IGSF21: variants seen among roughly 807,000 people sequenced by gnomAD.
The protein encoded by IGSF21 is immunoglobulin superfamily member 21.
Under a neutral mutation model 46.8 loss-of-function variants are expected in IGSF21, and 28 were observed. That is an observed-to-expected ratio of 0.60 (90% CI 0.44 to 0.82). The LOEUF (loss-of-function observed/expected upper bound fraction) is 0.82, where lower values mean the gene tolerates loss of function less well. IGSF21 is among the 40% of genes least tolerant of loss of function. The pLI is 0.00. For missense variants in IGSF21, 624 were observed against 665.5 expected (o/e 0.94, Z 0.69); for synonymous variants, 284 against 273.6 (o/e 1.04, Z -0.38).
intron 1 of IGSF21, among the ~76,000 whole-genome samples, chr1:18,154,643 T>C (rs2086552053): frequency 6.7e-6 from 1 of 148,738 alleles, no homozygotes; most frequent in East Asian, 2.0e-4. Flanking sequence ...GGCTTCTGGG[T>C]TAGAACTCAC....
intron 3 of IGSF21, among the ~76,000 whole-genome samples, chr1:18,332,012 C>A (rs978290020): frequency 1.3e-5 from 2 of 152,174 alleles, no homozygotes; most frequent in Non-Finnish European, 2.9e-5. Context: ...ACACATAGTC[C>A]TCAGTGAGAA....
intron 2 of IGSF21, among the ~76,000 whole-genome samples, chr1:18,259,422 A>T (rs1449658154): frequency 1.3e-5 from 2 of 152,172 alleles, no homozygotes; most frequent in African/African-American, 4.8e-5. Context: ...AGAATCATAG[A>T]ACAAATCAAG....
chr1:18,211,381 A>AGCC (rs1318949773), intron 1 of IGSF21, among the ~76,000 whole-genome samples: 9 of 152,234 alleles, frequency 5.9e-5, no homozygotes, highest in Admixed American at 2.0e-4. Context: ...CAGAGAGCAA[A>AGCC]GCCACGCTGC....
At chr1:18,123,903 C>G (rs930481143) in intron 1 of IGSF21, among the ~76,000 whole-genome samples, 2 of 152,166 alleles carry the variant, frequency 1.3e-5, no homozygotes, top group Non-Finnish European at 2.9e-5. Context: ...CTGTAGGCCC[C>G]CTGGCCCACT....
intron 2 of IGSF21, among the ~76,000 whole-genome samples, chr1:18,234,531 G>C (rs1324859514): frequency 6.6e-6 from 1 of 152,178 alleles, no homozygotes; most frequent in African/African-American, 2.4e-5. Context: ...AATTTATAAA[G>C]GAAAGAGGTT....
chr1:18,310,551 T>C (rs147767397), intron 3 of IGSF21, among the ~76,000 whole-genome samples: 2 of 152,380 alleles, frequency 1.3e-5, no homozygotes, highest in East Asian at 3.9e-4. Context: ...CAAGTAAAGC[T>C]GCTTTGAATG....
chr1:18,279,244 C>G (rs2085134765), intron 2 of IGSF21, among the ~76,000 whole-genome samples: 1 of 152,202 alleles, frequency 6.6e-6, no homozygotes, highest in Admixed American at 6.5e-5. Context: ...GTCTGCATGG[C>G]AATTCTCTCT....
chr1:18,167,018 T>C (rs1221860442), intron 1 of IGSF21: 1 of 153,152 alleles, frequency 6.5e-6, no homozygotes, highest in Non-Finnish European at 1.5e-5. Context: ...ACAGGAACCG[T>C]CTTTACCTGA....
At chr1:18,267,378 G>C (rs2084999821) in intron 2 of IGSF21, among the ~76,000 whole-genome samples, 1 of 152,154 alleles carries the variant, frequency 6.6e-6, no homozygotes, top group African/African-American at 2.4e-5. Context: ...AGGAAAACAG[G>C]ATGTGGGGAG....
chr1:18,171,480 G>T (rs1294509111), intron 1 of IGSF21, among the ~76,000 whole-genome samples: 1 of 152,128 alleles, frequency 6.6e-6, no homozygotes, highest in Non-Finnish European at 1.5e-5. Flanking sequence ...CTGAGGAAGG[G>T]GTGTAGCAGA....
chr1:18,362,584 C>T (rs1226716618), intron 5 of IGSF21, among the ~76,000 whole-genome samples: 1 of 152,156 alleles, frequency 6.6e-6, no homozygotes, highest in African/African-American at 2.4e-5. Flanking sequence ...GGAAAAGGGG[C>T]TTGTCCCAAG....
At chr1:18,313,733 G>T (rs1166877916) in intron 3 of IGSF21, among the ~76,000 whole-genome samples, 2 of 152,118 alleles carry the variant, frequency 1.3e-5, no homozygotes, top group Non-Finnish European at 2.9e-5. Context: ...GAAAACTGAG[G>T]CCTAGACCTG....
intron 1 of IGSF21, among the ~76,000 whole-genome samples, chr1:18,187,714 C>T (rs972516979): frequency 1.3e-5 from 2 of 152,120 alleles, no homozygotes; most frequent in African/African-American, 4.8e-5. Flanking sequence ...AACCTAATTA[C>T]CTCCCAGAAA....
chr1:18,192,875 C>T (rs1004218), intron 1 of IGSF21, among the ~76,000 whole-genome samples: 49,196 of 151,686 alleles, frequency 0.32, 8,192 homozygotes, highest in South Asian at 0.37. Context: ...TGCAGTGGGC[C>T]GATTCAATTC....
At chr1:18,372,976 A>G (rs2124638556) in intron 6 of IGSF21, among the ~76,000 whole-genome samples, 1 of 152,292 alleles carries the variant, frequency 6.6e-6, no homozygotes, top group Non-Finnish European at 1.5e-5. Context: ...TTGAGATTCC[A>G]CAGTACTATC....
intron 2 of IGSF21, among the ~76,000 whole-genome samples, chr1:18,266,337 C>A (rs1348568980): frequency 6.6e-6 from 1 of 152,136 alleles, no homozygotes. Context: ...AAATTCTTGA[C>A]CATATGTGTA....
intron 2 of IGSF21, among the ~76,000 whole-genome samples, chr1:18,235,096 T>C (rs12041734): frequency 0.21 from 32,463 of 152,190 alleles, 3,934 homozygotes; most frequent in East Asian, 0.27. Context: ...TACACTGTTG[T>C]CTGAGACTCA....
chr1:18,187,408 C>T (rs960668855), intron 1 of IGSF21, among the ~76,000 whole-genome samples: 5 of 152,142 alleles, frequency 3.3e-5, no homozygotes, highest in African/African-American at 1.2e-4. Context: ...TGTAGTTCTA[C>T]GTGGCTGGGG....
intron 2 of IGSF21, among the ~76,000 whole-genome samples, chr1:18,271,965 A>G (rs1180195307): frequency 3.3e-5 from 5 of 152,188 alleles, no homozygotes; most frequent in Admixed American, 6.5e-5. Context: ...TTCCAAGTCC[A>G]CTGTATTAGT....
Sources: gnomAD v4.1 joint callset for allele counts (sites outside exome capture counted in the v4.1 genomes callset) on GRCh38, gnomAD v4.1.1 for gene constraint, MANE v1.5 for transcripts, NCBI Gene and HGNC (gene_info 2026-07-23, HGNC 2026-07-21) for gene names.